ANKRD28: variants seen among roughly 807,000 people sequenced by gnomAD.
The protein encoded by ANKRD28 is serine/threonine-protein phosphatase 6 regulatory ankyrin repeat subunit A.
In ANKRD28, 44 loss-of-function variants were observed where a neutral mutation model predicts 126.5. The ratio of observed to expected loss-of-function variants is 0.35; its 90% CI spans 0.27 to 0.45. ANKRD28 has a LOEUF of 0.45. ANKRD28 is among the 20% of genes least tolerant of loss of function. The pLI is 1.00. For synonymous variants in ANKRD28, 442 were observed against 468.5 expected, an observed-to-expected ratio of 0.94 and a Z score of 0.73; for missense variants, 1,110 against 1,316.6, an observed-to-expected ratio of 0.84 and a Z score of 2.43.
chr3:15,733,515 T>C (rs1027344121), intron 6 of ANKRD28: 8 of 152,260 alleles, frequency 5.3e-5, no homozygotes, highest in African/African-American at 1.9e-4. Context: ...TTTAATATTT[T>C]CTTCAAATAT....
chr3:15,693,812 G>T (rs975329957), intron 17 of ANKRD28, among the ~76,000 whole-genome samples: 8 of 152,076 alleles, frequency 5.3e-5, no homozygotes, highest in African/African-American at 1.9e-4. Flanking sequence ...AACATGATAG[G>T]AAGTATCAGT....
In ANKRD28 at chr3:15,721,015, T is replaced by C; in HGVS notation, c.896A>G (p.Asn299Ser). 2 of 1,613,960 alleles carry C rather than the reference T, an allele frequency of 1.2e-6. No homozygotes were observed. Among genetic ancestry groups the C allele is most frequent in the Non-Finnish European group, 1.7e-6 (2 of 1,179,852 alleles). ...GTGCAAAGGAGTAAATCCTTTTTCA[T>C]TCTTTTGATTCACAATAGCACCACA... Reference protein sequence around the residue: ...IDCGAIVNQKNEKGFTPLHFA... With the variant: ...IDCGAIVNQKSEKGFTPLHFA... Residue 299 changes from asparagine to serine, a missense_variant, in exon 8 of 28, where the codon AAT becomes AGT. Physicochemically the swap from Asn to Ser is conservative, Grantham distance 46. Transcript: ENST00000683139.
In ANKRD28 at chr3:15,845,028, G is replaced by C. The variant is rs1480280388; in HGVS notation, c.27+14349C>G. Among the ~76,000 whole-genome samples the C allele has an allele frequency of 6.6e-6, 1 of 152,042 alleles. No individual in the cohort carries two copies. Among genetic ancestry groups the C allele is most frequent in the African/African-American group, 2.4e-5 (1 of 41,386 alleles). ...ACATGGCTGGAGCAGGAGCAAAATG[G>C]GGACACGGGGGTGCTAGGCACTTTT... On this transcript the variant is annotated intron_variant, in intron 1 of 27. Transcript: ENST00000399451. The surrounding 1 kb of genome is among the most constrained non-coding windows in gnomAD (Gnocchi z 4.9).
intron 17 of ANKRD28, among the ~76,000 whole-genome samples, chr3:15,691,726 G>A (rs1278717645): frequency 6.6e-6 from 1 of 152,168 alleles, no homozygotes; most frequent in African/African-American, 2.4e-5. Flanking sequence ...GAATTCTACT[G>A]TTTTAGGATT....
chr3:15,795,261 G>T lies in ANKRD28; in HGVS notation c.163C>A (p.Arg55=), dbSNP rs774796092. The T allele has an allele frequency of 6.2e-6, 10 of 1,612,594 alleles. No individual in the cohort carries two copies. In the African/African-American group the frequency reaches 1.2e-4, roughly 19 times the overall value. ...TCTTCTTTCTTAAATATTAGTGCTCGAACTTCATCAGGATCTCCGTTAAAT... is the reference window on the plus strand; with the variant it reads ...TCTTCTTTCTTAAATATTAGTGCTCTAACTTCATCAGGATCTCCGTTAAAT... ...AIFNGDPDEV[R]ALIFKKEDVN... Residue 55 remains arginine (R), a synonymous_variant, in exon 2 of 28, where the codon CGA becomes AGA. Transcript: ENST00000683139.
chr3:15,776,625 A>C (rs1032722431), intron 2 of ANKRD28, among the ~76,000 whole-genome samples: 5 of 152,164 alleles, frequency 3.3e-5, no homozygotes. Context: ...GTGGGGTGGA[A>C]AGTTTTGATC....
rs1450207626 is a variant in ANKRD28, at chr3:15,815,104, A to C, written c.28-19798T>G. 6.6e-6 allele frequency among the ~76,000 whole-genome samples: 1 copy of C among 151,742 alleles called. No homozygotes were observed. Among genetic ancestry groups the C allele is most frequent in the Non-Finnish European group, 1.5e-5 (1 of 67,950 alleles). ...AAATTCATATATAATAATTTTTCTA[A>C]GAATATTATATATTCTTGTATAATA... On this transcript the variant is annotated intron_variant, in intron 1 of 27. Coordinates refer to the ANKRD28 transcript ENST00000399451. This position sits in a 1 kb window ranked among gnomAD's most constrained non-coding sequence, Gnocchi z 4.1.
intron 18 of ANKRD28, 100 bp from the exon 19 acceptor site, chr3:15,686,409 T>G: frequency 1.1e-6 from 1 of 924,842 alleles, no homozygotes; most frequent in Non-Finnish European, 1.7e-6. Flanking sequence ...TTTGGGATAG[T>G]TGCACTGAAT....
chr3:15,766,199 C>T, intron 3 of ANKRD28, 35 bp downstream of exon 3: 2 of 1,489,604 alleles, frequency 1.3e-6, no homozygotes, highest in Non-Finnish European at 1.9e-6. Flanking sequence ...CAAAAATATA[C>T]ATAATGTGTT....
intron 3 of ANKRD28, among the ~76,000 whole-genome samples, chr3:15,764,824 G>GCCAC (rs1189084170): frequency 6.6e-6 from 1 of 152,110 alleles, no homozygotes; most frequent in African/African-American, 2.4e-5. Context: ...AAGTACATCA[G>GCCAC]CGGTGAAATT....
At chr3:15,798,777 T>C (rs1454912171), upstream of ANKRD28, among the ~76,000 whole-genome samples, 1 of 152,128 alleles carries the variant, frequency 6.6e-6, no homozygotes, top group East Asian at 1.9e-4. Context: ...TCGTTTTTTT[T>C]CTTCTTTCTC....
chr3:15,833,555 A>ATG lies in ANKRD28; in HGVS notation c.27+25820_27+25821dup, dbSNP rs564891889. Among the ~76,000 whole-genome samples, 333 of 149,470 alleles carry ATG rather than the reference A, an allele frequency of 2.2e-3. No homozygotes were observed. Among genetic ancestry groups the ATG allele is most frequent in the African/African-American group, 7.8e-3 (318 of 41,006 alleles). On this transcript the variant is annotated intron_variant, in intron 1 of 27. Coordinates refer to the ANKRD28 transcript ENST00000399451. The surrounding 1 kb of genome is among the most constrained non-coding windows in gnomAD (Gnocchi z 4.4). ...ATATACATTATTTTTTATATATATAATGTGTGTGTGTATATATATATCTCC... is the reference window on the plus strand; with the variant it reads ...ATATACATTATTTTTTATATATATAATGTGTGTGTGTGTATATATATATCTCC...
At chr3:15,819,991 T>C (rs1164993703) in intron 1 of ANKRD28, among the ~76,000 whole-genome samples, 1 of 152,150 alleles carries the variant, frequency 6.6e-6, no homozygotes, top group Non-Finnish European at 1.5e-5. Flanking sequence ...GACCAAGATA[T>C]AATGAATGTA....
intron 2 of ANKRD28, among the ~76,000 whole-genome samples, chr3:15,785,010 T>C (rs2125722380): frequency 6.6e-6 from 1 of 152,208 alleles, no homozygotes; most frequent in East Asian, 1.9e-4. Flanking sequence ...GCAATTAATT[T>C]TGGTCAATTT....
At chr3:15,714,402 A>C (rs2072730182) in intron 9 of ANKRD28, among the ~76,000 whole-genome samples, 176 bp downstream of exon 9, 1 of 152,118 alleles carries the variant, frequency 6.6e-6, no homozygotes, top group Non-Finnish European at 1.5e-5. Flanking sequence ...TGAAAGATAC[A>C]GCTACGTGGT....
chr3:15,735,608 T>A (rs543632257), intron 5 of ANKRD28, 111 bp from the exon 6 acceptor site: 115 of 752,752 alleles, frequency 1.5e-4, no homozygotes, highest in Non-Finnish European at 2.3e-4. Flanking sequence ...ATTTCTGCAG[T>A]TGCTGAACAG....
rs1336706964 is a variant in ANKRD28 at position 15,812,580 on chromosome 3, C to T, written c.28-17274G>A. Among the ~76,000 whole-genome samples, 1 of 152,132 alleles carries T rather than the reference C, an allele frequency of 6.6e-6. No individual in the cohort carries two copies. The highest frequency in any genetic ancestry group is 1.5e-5 in the Non-Finnish European group (1 of 68,018). On this transcript the variant is annotated intron_variant, in intron 1 of 27. Coordinates refer to the ANKRD28 transcript ENST00000399451. The surrounding 1 kb of genome is among the most constrained non-coding windows in gnomAD (Gnocchi z 4.1). ...ATCAAATTTTACTATATTAAGTTGG[C>T]ATTTCGTTGTTGTTTTTCTGTCTTG... is the stretch of plus-strand genomic sequence containing the variant.
chr3:15,757,292 T>C (rs749143592), intron 3 of ANKRD28, among the ~76,000 whole-genome samples: 2 of 152,192 alleles, frequency 1.3e-5, no homozygotes, highest in South Asian at 2.1e-4. Flanking sequence ...AAAGTTCCTA[T>C]TGTGTTGGGG....
chr3:15,708,797 G>T (rs1224625614), intron 13 of ANKRD28, among the ~76,000 whole-genome samples: 3 of 152,044 alleles, frequency 2.0e-5, no homozygotes, highest in Non-Finnish European at 4.4e-5. Flanking sequence ...ATTCATTTCT[G>T]ATTTCCTACC....
Sources: gnomAD v4.1 joint callset for allele counts (sites outside exome capture counted in the v4.1 genomes callset) on GRCh38, gnomAD v4.1.1 for gene constraint, Gnocchi (gnomAD v3.1) non-coding constraint, MANE v1.5 for transcripts, NCBI Gene and HGNC (gene_info 2026-07-23, HGNC 2026-07-21) for gene names.